Variants in MSI2 observed in about 807,000 individuals in gnomAD.
The protein encoded by MSI2 is musashi RNA binding protein 2, also known as RNA-binding protein Musashi homolog 2.
In MSI2, 17 loss-of-function variants were observed where a neutral mutation model predicts 45.6. The ratio of observed to expected loss-of-function variants is 0.37; its 90% CI spans 0.26 to 0.56. MSI2 has a LOEUF of 0.56. Among genes scored for constraint, MSI2 ranks in the 20% least tolerant of loss-of-function variants. The pLI is 0.77. For missense variants in MSI2, 293 were observed against 444.2 expected (o/e 0.66, Z 3.06); for synonymous variants, 156 against 158.2 (o/e 0.99, Z 0.11).
At chr17:57,283,774 A>G (rs897691948) in intron 5 of MSI2, among the ~76,000 whole-genome samples, 1 of 152,222 alleles carries the variant, frequency 6.6e-6, no homozygotes, top group East Asian at 1.9e-4. Context: ...GCAGAAGACC[A>G]CACGCGCACG....
intron 6 of MSI2, among the ~76,000 whole-genome samples, chr17:57,440,428 G>GTGTGTT (rs2084777593): frequency 1.4e-5 from 2 of 144,544 alleles, no homozygotes; most frequent in Non-Finnish European, 3.0e-5. Context: ...GTGTGTGTGT[G>GTGTGTT]TGTGTGTGTG....
intron 10 of MSI2, among the ~76,000 whole-genome samples, chr17:57,640,968 C>T (rs1910202509): frequency 6.6e-6 from 1 of 152,148 alleles, no homozygotes; most frequent in Admixed American, 6.6e-5. Flanking sequence ...TCCACCTTTT[C>T]AACAAGGGCT....
chr17:57,276,350 C>T (rs1327427372), intron 5 of MSI2, among the ~76,000 whole-genome samples: 1 of 152,198 alleles, frequency 6.6e-6, no homozygotes, highest in Non-Finnish European at 1.5e-5. Context: ...ACTCCCCTCC[C>T]GCCTGGCGTC....
chr17:57,428,101 T>C (rs1478681016), intron 6 of MSI2, among the ~76,000 whole-genome samples: 1 of 152,208 alleles, frequency 6.6e-6, no homozygotes, highest in Admixed American at 6.5e-5. Context: ...AGTGCTTTGA[T>C]ATACATGTTA....
At chr17:57,566,851 G>T (rs1401319785) in intron 7 of MSI2, among the ~76,000 whole-genome samples, 1 of 152,164 alleles carries the variant, frequency 6.6e-6, no homozygotes, top group East Asian at 1.9e-4. Flanking sequence ...CCAATTAGGA[G>T]AGTTGCTGGT....
chr17:57,548,037 A>T (rs2087211041), intron 7 of MSI2, among the ~76,000 whole-genome samples: 1 of 152,184 alleles, frequency 6.6e-6, no homozygotes, highest in Admixed American at 6.5e-5. Flanking sequence ...TCAAAGCATC[A>T]TTGCATCCAC....
At chr17:57,569,337 T>C (rs537940500) in intron 7 of MSI2, among the ~76,000 whole-genome samples, 1 of 152,274 alleles carries the variant, frequency 6.6e-6, no homozygotes, top group South Asian at 2.1e-4. Flanking sequence ...CTAGAACATC[T>C]GGAAGGAGGA....
chr17:57,538,545 C>T (rs779244090), intron 7 of MSI2, among the ~76,000 whole-genome samples: 76 of 152,184 alleles, frequency 5.0e-4, no homozygotes, highest in African/African-American at 1.7e-3. Context: ...TAAATGATTC[C>T]GCTTGCGAGG....
chr17:57,576,344 A>G (rs1170282924), intron 7 of MSI2, among the ~76,000 whole-genome samples: 1 of 152,212 alleles, frequency 6.6e-6, no homozygotes, highest in Non-Finnish European at 1.5e-5. Flanking sequence ...TGTATCCTAA[A>G]GGCCCAGCTG....
intron 5 of MSI2, among the ~76,000 whole-genome samples, chr17:57,297,420 C>T (rs1459200988): frequency 6.6e-6 from 1 of 152,014 alleles, no homozygotes; most frequent in African/African-American, 2.4e-5. Flanking sequence ...AAACAATGTG[C>T]ATGCCTCAAT....
chr17:57,563,417 G>T (rs1029310242), intron 7 of MSI2, among the ~76,000 whole-genome samples: 1 of 152,130 alleles, frequency 6.6e-6, no homozygotes, highest in Non-Finnish European at 1.5e-5. Context: ...CTTTCCCACA[G>T]CCCTGTGAGA....
At chr17:57,621,126 G>A (rs1908253865) in intron 9 of MSI2, among the ~76,000 whole-genome samples, 1 of 152,200 alleles carries the variant, frequency 6.6e-6, no homozygotes, top group South Asian at 2.1e-4. Flanking sequence ...GAAAGTGGTA[G>A]TGTAGCATCA....
chr17:57,412,508 G>T (rs938499773), intron 6 of MSI2, among the ~76,000 whole-genome samples: 3 of 152,166 alleles, frequency 2.0e-5, no homozygotes, highest in Non-Finnish European at 4.4e-5. Context: ...CCTTTAGGAG[G>T]AGTACATAGG....
At chr17:57,668,010 C>T (rs1228444749) in intron 11 of MSI2, among the ~76,000 whole-genome samples, 1 of 152,168 alleles carries the variant, frequency 6.6e-6, no homozygotes, top group African/African-American at 2.4e-5. Flanking sequence ...ACCAACCTGG[C>T]CAACATGGTG....
chr17:57,356,790 T>C (rs561384766), intron 5 of MSI2, among the ~76,000 whole-genome samples: 1 of 152,212 alleles, frequency 6.6e-6, no homozygotes, highest in Non-Finnish European at 1.5e-5. Context: ...ACTTACTGGT[T>C]TTACAGGTGT....
chr17:57,417,727 A>T (rs1388366338), intron 6 of MSI2, among the ~76,000 whole-genome samples: 1 of 152,104 alleles, frequency 6.6e-6, no homozygotes, highest in Non-Finnish European at 1.5e-5. Context: ...TCATGAAGGG[A>T]TTTGGCCGCC....
intron 11 of MSI2, among the ~76,000 whole-genome samples, chr17:57,666,647 CT>C (rs1263035696): frequency 9.2e-5 from 14 of 152,198 alleles, no homozygotes; most frequent in Non-Finnish European, 1.9e-4. Context: ...ACAGTGTTTT[CT>C]TTTAGCAGCA....
chr17:57,463,727 T>TGGCC (rs2085275744), intron 6 of MSI2, among the ~76,000 whole-genome samples: 1 of 87,580 alleles, frequency 1.1e-5, no homozygotes, highest in African/African-American at 4.2e-5. Context: ...GCTCTGCCCC[T>TGGCC]GGCCCTGGAC....
intron 10 of MSI2, chr17:57,631,653 C>T: frequency 2.6e-6 from 2 of 770,692 alleles, no homozygotes; most frequent in South Asian, 1.8e-5. Context: ...CCACCCCAGC[C>T]TGGAATTTGG....
Sources: allele counts gnomAD v4.1 joint callset (sites outside exome capture counted in the v4.1 genomes callset), GRCh38; gene constraint gnomAD v4.1.1; transcripts MANE v1.5; gene names NCBI Gene and HGNC (gene_info 2026-07-23, HGNC 2026-07-21).